The following IRF2 variants were observed in gnomAD, a reference collection of about 807,000 sequenced individuals.
IRF2 encodes interferon regulatory factor 2.
Under a neutral mutation model 40.6 loss-of-function variants are expected in IRF2, and 15 were observed. That is an observed-to-expected ratio of 0.37 (90% CI 0.25 to 0.57). The LOEUF is 0.57. IRF2 is among the 20% of genes least tolerant of loss of function. The pLI is 0.77. For synonymous variants in IRF2, 151 were observed against 165.5 expected, an observed-to-expected ratio of 0.91 and a Z score of 0.67; for missense variants, 317 against 455.7, an observed-to-expected ratio of 0.70 and a Z score of 2.77.
At chr4:184,398,089 G>T (rs894151077) in intron 7 of IRF2, among the ~76,000 whole-genome samples, 1 of 152,172 alleles carries the variant, frequency 6.6e-6, no homozygotes, top group Non-Finnish European at 1.5e-5. Context: ...GGACAAGTAC[G>T]CTTGGTGGAT....
intron 6 of IRF2, among the ~76,000 whole-genome samples, chr4:184,404,142 C>T (rs1736766445): frequency 6.6e-6 from 1 of 152,098 alleles, no homozygotes; most frequent in Non-Finnish European, 1.5e-5. Flanking sequence ...TTTGGTCCTA[C>T]CATTTTACAG....
At chr4:184,446,725 G>A (rs981781599) in intron 1 of IRF2, among the ~76,000 whole-genome samples, 2 of 151,904 alleles carry the variant, frequency 1.3e-5, no homozygotes, top group Non-Finnish European at 2.9e-5. Context: ...CATAGGAGGC[G>A]GACGGATCAC....
intron 1 of IRF2, among the ~76,000 whole-genome samples, chr4:184,458,718 T>TG (rs1411630230): frequency 6.6e-6 from 1 of 152,208 alleles, no homozygotes; most frequent in East Asian, 1.9e-4. Flanking sequence ...CACATGACCT[T>TG]GCCAGGCTAT....
chr4:184,468,177 CCTT>C (rs1395886881), intron 1 of IRF2, among the ~76,000 whole-genome samples: 2 of 152,166 alleles, frequency 1.3e-5, no homozygotes, highest in African/African-American at 4.8e-5. Context: ...AAAATAAAGT[CCTT>C]CTTGCCTCTT....
intron 1 of IRF2, among the ~76,000 whole-genome samples, chr4:184,442,809 A>AGC (rs977046323): frequency 6.2e-4 from 91 of 147,194 alleles, no homozygotes; most frequent in African/African-American, 2.2e-3. Flanking sequence ...AACCTACTTA[A>AGC]ATCTCTCAGC....
intron 6 of IRF2, among the ~76,000 whole-genome samples, chr4:184,399,426 A>G (rs1169747009): frequency 6.6e-6 from 1 of 152,238 alleles, no homozygotes; most frequent in Non-Finnish European, 1.5e-5. Flanking sequence ...AGGGCCAGAC[A>G]TGACAGTACT....
At chr4:184,454,626 T>C (rs1472733179) in intron 1 of IRF2, among the ~76,000 whole-genome samples, 5 of 152,178 alleles carry the variant, frequency 3.3e-5, no homozygotes, top group Non-Finnish European at 2.9e-5. Flanking sequence ...TGGTCACTAT[T>C]TCCCCTCTCT....
intron 1 of IRF2, chr4:184,449,084 C>G (rs1329531466): frequency 6.5e-6 from 1 of 152,774 alleles, no homozygotes; most frequent in Admixed American, 6.5e-5. Context: ...GGGTGAAGAA[C>G]CGATCCTTCC....
chr4:184,417,690 T>TA (rs1737330795), intron 5 of IRF2, among the ~76,000 whole-genome samples: 1 of 152,210 alleles, frequency 6.6e-6, no homozygotes, highest in Non-Finnish European at 1.5e-5. Context: ...GCTGTTCTGA[T>TA]AGAGTGCTGA....
intron 7 of IRF2, among the ~76,000 whole-genome samples, chr4:184,395,722 G>A (rs1370838238): frequency 6.6e-6 from 1 of 152,238 alleles, no homozygotes; most frequent in Admixed American, 6.5e-5. Context: ...AGGTTCTGGA[G>A]AATCCAGACA....
chr4:184,396,713 C>T (rs915649593), intron 7 of IRF2, among the ~76,000 whole-genome samples: 5 of 152,090 alleles, frequency 3.3e-5, no homozygotes, highest in South Asian at 2.1e-4. Context: ...GGATTACAGA[C>T]GTGAGCCACC....
At chr4:184,403,436 C>T (rs1391603365) in intron 6 of IRF2, among the ~76,000 whole-genome samples, 2 of 152,160 alleles carry the variant, frequency 1.3e-5, no homozygotes, top group Non-Finnish European at 2.9e-5. Context: ...AGTGTCCTGA[C>T]TGAATAATGA....
chr4:184,470,324 T>C (rs1341826628), intron 1 of IRF2, among the ~76,000 whole-genome samples: 1 of 152,226 alleles, frequency 6.6e-6, no homozygotes, highest in Non-Finnish European at 1.5e-5. Flanking sequence ...TTTACTTTCA[T>C]GTATGTTGTC....
At position 184,419,570 on chromosome 4, in the gene IRF2, TGAA is replaced by T; in HGVS notation, c.88-5_88-3del. On this transcript the variant is annotated splice_polypyrimidine_tract_variant and splice_region_variant and intron_variant, in intron 2 of 8. Coordinates refer to ENST00000393593, the MANE Select transcript of IRF2 (RefSeq NM_002199.4). The stretch of plus-strand genomic sequence containing the variant: ...GGGGATCTGAAAAATCTTCTTTTCC[TGAA>T]AAAAAAAAAAAAAAAAAAGGTAAAG... 19 of 819,998 alleles carry T rather than the reference TGAA, an allele frequency of 2.3e-5. No individual in the cohort carries two copies. The highest frequency in any genetic ancestry group is 3.9e-5 in the Admixed American group (1 of 25,468). 50.8% of individuals were successfully genotyped at this position (819,998 alleles called of 1,614,324 possible). A position where few individuals can be genotyped will look rare whatever the true frequency, so the allele number is the denominator to read the frequency against.
chr4:184,454,690 A>T (rs1015134523), intron 1 of IRF2, among the ~76,000 whole-genome samples: 3 of 152,118 alleles, frequency 2.0e-5, no homozygotes, highest in African/African-American at 7.2e-5. Flanking sequence ...TCCTTGTTAA[A>T]GCATAATATG....
intron 1 of IRF2, among the ~76,000 whole-genome samples, chr4:184,456,623 T>G (rs545559854): frequency 6.6e-6 from 1 of 152,230 alleles, no homozygotes; most frequent in Non-Finnish European, 1.5e-5. Flanking sequence ...CGCGCTTTCC[T>G]GCGGCCCGGT....
intron 5 of IRF2, among the ~76,000 whole-genome samples, chr4:184,416,864 G>T (rs976521336): frequency 6.6e-6 from 1 of 152,102 alleles, no homozygotes; most frequent in Non-Finnish European, 1.5e-5. Flanking sequence ...TGTCCAACAT[G>T]GTGAAACCCC....
At chr4:184,469,470 G>A (rs1420988086) in intron 1 of IRF2, among the ~76,000 whole-genome samples, 1 of 152,140 alleles carries the variant, frequency 6.6e-6, no homozygotes, top group Non-Finnish European at 1.5e-5. Flanking sequence ...TGAGGCCAAG[G>A]GTTTGAGACC....
At chr4:184,442,326 C>T (rs1001556037) in intron 1 of IRF2, among the ~76,000 whole-genome samples, 1 of 152,228 alleles carries the variant, frequency 6.6e-6, no homozygotes, top group Non-Finnish European at 1.5e-5. Flanking sequence ...CACCTCCATG[C>T]TCTCTTTAAG....
Sources: gnomAD v4.1 joint callset for allele counts (sites outside exome capture counted in the v4.1 genomes callset) on GRCh38, gnomAD v4.1.1 for gene constraint, MANE v1.5 for transcripts, NCBI Gene and HGNC (gene_info 2026-07-23, HGNC 2026-07-21) for gene names.